The following KDELR1 variants were observed in gnomAD, a reference collection of about 807,000 sequenced individuals.
The protein encoded by KDELR1 is ER lumen protein-retaining receptor 1.
In KDELR1, 16 loss-of-function variants were observed where a neutral mutation model predicts 25.5. That is an observed-to-expected ratio of 0.63 (90% CI 0.43 to 0.95). The LOEUF (loss-of-function observed/expected upper bound fraction) is 0.95, where lower values mean the gene tolerates loss of function less well. Ranked by LOEUF, KDELR1 falls within the 40% of genes least tolerant of loss-of-function variation. The probability of loss-of-function intolerance (pLI) is 0.00; values close to 1 mark genes in which losing one functional copy is unlikely to be tolerated. For synonymous variants in KDELR1, 121 were observed against 115.0 expected, an observed-to-expected ratio of 1.05 and a Z score of -0.33; for missense variants, 159 against 265.2, an observed-to-expected ratio of 0.60 and a Z score of 2.78.
upstream of KDELR1, among the ~76,000 whole-genome samples, chr19:48,392,586 G>C (rs913011268): frequency 2.6e-5 from 4 of 151,984 alleles, no homozygotes; most frequent in Non-Finnish European, 5.9e-5. Context: ...CTCCCTTTAC[G>C]ACCCACAGAT....
At chr19:48,393,059 A>T (rs755904110), upstream of KDELR1, among the ~76,000 whole-genome samples, 11 of 152,174 alleles carry the variant, frequency 7.2e-5, no homozygotes, top group Admixed American at 6.5e-5. The surrounding 1 kb of genome is among the most constrained non-coding windows in gnomAD (Gnocchi z 5.6). Context: ...ATTTCTTCAG[A>T]GGGCTGGAAG....
chr19:48,396,733 G>T, the KDELR1 span, among the ~76,000 whole-genome samples: 172 of 152,040 alleles, frequency 1.1e-3, no homozygotes, highest in Non-Finnish European at 2.2e-3. Flanking sequence ...CAGAGGGGAC[G>T]GGCTGTGGCC....
intron 3 of KDELR1, among the ~76,000 whole-genome samples, chr19:48,386,453 T>A (rs1345158462): frequency 6.8e-6 from 1 of 146,836 alleles, no homozygotes; most frequent in South Asian, 2.2e-4. Flanking sequence ...TTGAATTTTT[T>A]TTTTTTTTTT....
In KDELR1 at chr19:48,384,611, C is replaced by T. The variant is rs1970480737; in HGVS notation, c.352-129G>A. The stretch of plus-strand genomic sequence containing the variant: ...AGGTGATCCAGGTGCTGCCAAGTGC[C>T]AGACACAGTTCTGCCCGAGTTACTG... On this transcript the variant is annotated intron_variant, in intron 3 of 4. Coordinates refer to ENST00000330720, the MANE Select transcript of KDELR1 (RefSeq NM_006801.3). The surrounding 1 kb of genome is among the most constrained non-coding windows in gnomAD (Gnocchi z 4.6). 1.7e-6 allele frequency: 2 copies of T among 1,188,436 alleles called. No homozygotes were observed. The highest frequency in any genetic ancestry group is 3.0e-5 in the South Asian group (2 of 66,298). The allele number at this position is 1,188,436 out of a possible 1,614,324, so 73.6% of individuals were successfully genotyped here. A position where few individuals can be genotyped will look rare whatever the true frequency, so the allele number is the denominator to read the frequency against.
In KDELR1 at chr19:48,385,387, C is replaced by A. The variant is rs73570242; in HGVS notation, c.352-905G>T. ...CTTATCTCCTTCCTGGCCACTCGCA[C>A]CAGCAATTGAGCTCTGTGAGGGCTG... On this transcript the variant is annotated intron_variant, in intron 3 of 4. Transcript: ENST00000330720. 5.2e-3 allele frequency among the ~76,000 whole-genome samples: 798 copies of A among 152,324 alleles called. 7 individuals are homozygous for A. Among genetic ancestry groups the A allele is most frequent in the African/African-American group, 0.018 (748 of 41,580 alleles).
chr19:48,391,229 G>A (rs1253519825), intron 1 of KDELR1, 39 bp downstream of exon 1: 23 of 1,529,918 alleles, frequency 1.5e-5, no homozygotes, highest in Non-Finnish European at 2.0e-5. Flanking sequence ...ACCCCCGCCC[G>A]CAATCTCTCT....
chr19:48,389,384 C>T, intron 3 of KDELR1, 169 bp downstream of exon 3: 2 of 692,302 alleles, frequency 2.9e-6, no homozygotes, highest in Non-Finnish European at 5.0e-6. Context: ...AGTCTTGCTG[C>T]TGTTGTGTTA....
chr19:48,390,577 G>GAGAC (rs1555890423), intron 1 of KDELR1, 53 bp from the exon 2 acceptor site: 1,441 of 979,344 alleles, frequency 1.5e-3, no homozygotes, highest in Non-Finnish European at 1.7e-3. Context: ...GAGAGAGAGA[G>GAGAC]AGACAGACAG....
intron 1 of KDELR1, among the ~76,000 whole-genome samples, 165 bp downstream of exon 1, chr19:48,391,103 G>A (rs754963154): frequency 3.7e-4 from 56 of 152,216 alleles, no homozygotes; most frequent in Non-Finnish European, 6.8e-4. Flanking sequence ...GTCTGGGGAA[G>A]GGAGCTGATC....
chr19:48,394,114 T>C (rs1253992476), upstream of KDELR1, among the ~76,000 whole-genome samples: 2 of 151,996 alleles, frequency 1.3e-5, no homozygotes, highest in African/African-American at 4.8e-5. The surrounding 1 kb of genome is among the most constrained non-coding windows in gnomAD (Gnocchi z 5.1). Flanking sequence ...CGGCTGCCTG[T>C]GTCCTCCTGT....
At chr19:48,393,761 G>A (rs1484997434), upstream of KDELR1, among the ~76,000 whole-genome samples, 2 of 152,010 alleles carry the variant, frequency 1.3e-5, no homozygotes, top group African/African-American at 2.4e-5. The surrounding 1 kb of genome is among the most constrained non-coding windows in gnomAD (Gnocchi z 5.6). Flanking sequence ...CGCCACCCTC[G>A]CCCGCAGCCT....
At chr19:48,385,958 A>C (rs1340419527) in intron 3 of KDELR1, among the ~76,000 whole-genome samples, 2 of 152,144 alleles carry the variant, frequency 1.3e-5, no homozygotes, top group African/African-American at 2.4e-5. Context: ...TCCCAGAATC[A>C]TCCAGAATCC....
At chr19:48,389,737 G>T (rs769321524) in intron 2 of KDELR1, 26 bp from the exon 3 acceptor site, 24 of 1,612,698 alleles carry the variant, frequency 1.5e-5, no homozygotes, top group Non-Finnish European at 1.9e-5. Context: ...ATGAGAAGGG[G>T]CCTCAACTCA....
chr19:48,395,835 G>C (rs1970633103), upstream of KDELR1, among the ~76,000 whole-genome samples: 1 of 152,042 alleles, frequency 6.6e-6, no homozygotes, highest in South Asian at 2.1e-4. Context: ...TGGGTCCTTG[G>C]GGGAAGAGGG....
Position 48,391,321 on chromosome 19 carries a change from A to G in KDELR1, c.38T>C (p.Leu13Pro). 6.4e-7 allele frequency: 1 copy of G among 1,558,344 alleles called. No individual in the cohort carries two copies. Among genetic ancestry groups the G allele is most frequent in the Non-Finnish European group, 8.7e-7 (1 of 1,150,822 alleles). ...GAGCAGTAGCAAGATGATGGCGAGG[A>G]GGTGGGAGAGGTCTCCCAGGAATCG... is the stretch of plus-strand genomic sequence containing the variant. Reference protein sequence around the residue: ...LFRFLGDLSHLLAIILLLLKI... With the variant: ...LFRFLGDLSHPLAIILLLLKI... Residue 13 changes from leucine to proline, a missense_variant, in exon 1 of 5, where the codon CTC (leucine) becomes CCC (proline). By Grantham distance (98) the Leu-to-Pro change is moderately conservative. Transcript: ENST00000330720.
intron 4 of KDELR1, 143 bp from the exon 5 acceptor site, chr19:48,383,470 C>CTGGTTTCTT: frequency 1.4e-6 from 1 of 713,884 alleles, no homozygotes. Flanking sequence ...AGATACATTC[C>CTGGTTTCTT]TGGTTTCTTT....
chr19:48,389,424 G>C lies in KDELR1; in HGVS notation c.351+129C>G, dbSNP rs1970523088. On this transcript the variant is annotated intron_variant, in intron 3 of 4. Transcript: ENST00000330720. ...CCTCTGACCCCAGAGCCCATGCACTGAACTTATGCATCCTAAAATAAGGCA... is the reference window on the plus strand; with the variant it reads ...CCTCTGACCCCAGAGCCCATGCACTCAACTTATGCATCCTAAAATAAGGCA... The C allele has an allele frequency of 4.8e-6, 5 of 1,043,642 alleles. No homozygotes were observed. The South Asian group carries it at 7.2e-5, about 15-fold the overall frequency. The allele number at this position is 1,043,642 out of a possible 1,614,324, so 64.6% of individuals were successfully genotyped here.
upstream of KDELR1, among the ~76,000 whole-genome samples, chr19:48,396,115 G>T (rs1043298625): frequency 6.6e-6 from 1 of 152,108 alleles, no homozygotes; most frequent in African/African-American, 2.4e-5. Context: ...ATGAGTGTTG[G>T]GGACTTTAGC....
At chr19:48,387,481 A>C (rs1970505763) in intron 3 of KDELR1, among the ~76,000 whole-genome samples, 1 of 152,050 alleles carries the variant, frequency 6.6e-6, no homozygotes. Flanking sequence ...CCAGGAGTTC[A>C]AGACCAGCCT....
Sources: gnomAD v4.1 joint callset for allele counts (sites outside exome capture counted in the v4.1 genomes callset) on GRCh38, gnomAD v4.1.1 for gene constraint, Gnocchi (gnomAD v3.1) non-coding constraint, MANE v1.5 for transcripts, NCBI Gene and HGNC (gene_info 2026-07-23, HGNC 2026-07-21) for gene names.